RGS12: variants seen among roughly 807,000 people sequenced by gnomAD.
RGS12 encodes regulator of G protein signaling 12, also known as regulator of G-protein signaling 12.
Under a neutral mutation model 120.1 loss-of-function variants are expected in RGS12, and 66 were observed. The ratio of observed to expected loss-of-function variants is 0.55; its 90% CI spans 0.45 to 0.67. The LOEUF (loss-of-function observed/expected upper bound fraction) is 0.67, where lower values mean the gene tolerates loss of function less well. Ranked by LOEUF, RGS12 falls within the 30% of genes least tolerant of loss-of-function variation. The pLI, the probability that RGS12 is intolerant of heterozygous loss-of-function variation, is 0.00. For synonymous variants in RGS12, 827 were observed against 804.7 expected (o/e 1.03, Z -0.47); for missense variants, 1,859 against 1,957.7 (o/e 0.95, Z 0.95).
chr4:3,309,716 G>T (rs1301493646), intron 1 of RGS12, among the ~76,000 whole-genome samples: 38 of 133,910 alleles, frequency 2.8e-4, no homozygotes, highest in East Asian at 6.9e-4. Context: ...GCTGGGACCT[G>T]GGAATGGCAG....
At position 3,430,521 on chromosome 4, in the gene RGS12, C is replaced by G. The variant is rs368689404; in HGVS notation, c.3680C>G (p.Thr1227Arg). ...PEFLRLPPGS[T>R]ELTLPTPAAV... is the part of the protein sequence containing the mutation. ...TTCCTCCGTTTACCTCCTGGTTCCA[C>G]AGAACTCACCCTCCCCACTCCAGCT... The change falls in exon 17 of 18, where the codon ACA (threonine) becomes AGA (arginine). Residue 1227 changes from threonine to arginine, a missense_variant. Thr to Arg is a moderately conservative substitution (Grantham distance 71). Around this residue, in one of 3 missense-constraint regions of RGS12, gnomAD observed 517 missense variants for 488.5 expected, o/e 1.06. Coordinates refer to ENST00000336727, the MANE Select transcript of RGS12 (RefSeq NM_001394154.1). 19 of 1,613,450 alleles carry G rather than the reference C, an allele frequency of 1.2e-5. No individual in the cohort carries two copies. Among genetic ancestry groups the G allele is most frequent in the Non-Finnish European group, 1.4e-5 (17 of 1,180,038 alleles).
intron 2 of RGS12, among the ~76,000 whole-genome samples, chr4:3,328,417 A>G (rs1270878088): frequency 6.6e-6 from 1 of 152,216 alleles, no homozygotes; most frequent in East Asian, 1.9e-4. Flanking sequence ...CGTATCTAAG[A>G]AAACTAGAGA....
At chr4:3,292,718 A>T (rs1195179564), upstream of RGS12, among the ~76,000 whole-genome samples, 2 of 152,136 alleles carry the variant, frequency 1.3e-5, no homozygotes, top group Non-Finnish European at 2.9e-5. Context: ...CGCTCCCAGC[A>T]CCAGGGCCGG....
At chr4:3,307,992 G>A (rs1724064941) in intron 1 of RGS12, among the ~76,000 whole-genome samples, 1 of 152,254 alleles carries the variant, frequency 6.6e-6, no homozygotes, top group South Asian at 2.1e-4. Flanking sequence ...CTGGGCAGAG[G>A]AAGCGTGCAG....
chr4:3,347,240 C>G (rs1042175406), intron 3 of RGS12, among the ~76,000 whole-genome samples: 6 of 152,056 alleles, frequency 3.9e-5, no homozygotes, highest in Admixed American at 3.9e-4. Flanking sequence ...GTCAGGAGAT[C>G]GAGACCATCC....
At chr4:3,301,614 CCGGGG>C (rs1226153428) in intron 1 of RGS12, among the ~76,000 whole-genome samples, 1 of 129,070 alleles carries the variant, frequency 7.7e-6, no homozygotes, top group Non-Finnish European at 1.6e-5. Context: ...GAGAGTGAGG[CCGGGG>C]TCCGAGGGCC....
At chr4:3,342,287 ATT>A (rs1713312565) in intron 2 of RGS12, 1 of 607,146 alleles carries the variant, frequency 1.6e-6, no homozygotes, top group Non-Finnish European at 2.2e-6. Context: ...GTGGCGACTG[ATT>A]TGCTGGAGCC....
intron 3 of RGS12, among the ~76,000 whole-genome samples, chr4:3,379,574 A>G (rs891526648): frequency 6.6e-6 from 1 of 152,202 alleles, no homozygotes; most frequent in African/African-American, 2.4e-5. Flanking sequence ...GTAATTTTTA[A>G]AGGAAAGAGG....
At chr4:3,421,195 T>C (rs1722984904) in intron 10 of RGS12, among the ~76,000 whole-genome samples, 3 of 152,154 alleles carry the variant, frequency 2.0e-5, no homozygotes, top group Admixed American at 6.6e-5. Context: ...GCTTGGCTGG[T>C]GCTCGTCCTG....
At chr4:3,371,279 C>T (rs943560209) in intron 3 of RGS12, among the ~76,000 whole-genome samples, 33 of 152,170 alleles carry the variant, frequency 2.2e-4, no homozygotes, top group African/African-American at 7.7e-4. Flanking sequence ...GTGCCTGCCG[C>T]GGGCCGCCTC....
intron 17 of RGS12, 133 bp downstream of exon 17, chr4:3,431,088 G>T: frequency 6.9e-7 from 1 of 1,451,476 alleles, no homozygotes; most frequent in East Asian, 2.5e-5. Context: ...TCACCTGCTG[G>T]TTGGGGGCTT....
At chr4:3,414,457 G>A in intron 5 of RGS12, 2 of 610,864 alleles carry the variant, frequency 3.3e-6, no homozygotes, top group South Asian at 2.1e-5. Context: ...AGCGTCCCTG[G>A]CCCTCCCGCT....
At chr4:3,362,461 GGTGT>G (rs1243858242) in intron 3 of RGS12, among the ~76,000 whole-genome samples, 120 of 139,718 alleles carry the variant, frequency 8.6e-4, no homozygotes, top group African/African-American at 3.0e-3. Context: ...AGGGTGCGAG[GGTGT>G]GTGTGAGGGT....
rs369355059 is a variant in RGS12 at position 3,430,756 on chromosome 4, C to T, written c.3915C>T (p.Pro1305=). The T allele has an allele frequency of 2.1e-5, 33 of 1,608,694 alleles. No homozygotes were observed. The highest frequency in any genetic ancestry group is 1.6e-4 in the Middle Eastern group (1 of 6,062). ...PSGPFCTPQS[P]VSLAQEGTAQ... The stretch of plus-strand genomic sequence containing the variant: ...GGCCCTTCTGCACTCCCCAGTCCCC[C>T]GTCTCCCTCGCGCAGGAGGGCACCG... Residue 1305 remains proline (P), a synonymous_variant, in exon 17 of 18, where the codon CCC becomes CCT. Transcript: ENST00000336727.
At chr4:3,341,867 G>C (rs993846439) in intron 2 of RGS12, among the ~76,000 whole-genome samples, 2 of 148,208 alleles carry the variant, frequency 1.3e-5, no homozygotes, top group Non-Finnish European at 3.0e-5. Context: ...CAGAGGCCCC[G>C]GGGTGTGGGG....
chr4:3,379,878 A>G (rs1435928641), intron 3 of RGS12, among the ~76,000 whole-genome samples: 1 of 152,180 alleles, frequency 6.6e-6, no homozygotes, highest in Non-Finnish European at 1.5e-5. Context: ...GCGAAACTGC[A>G]TCGTTCCACC....
intron 3 of RGS12, among the ~76,000 whole-genome samples, chr4:3,348,579 A>G (rs1004695249): frequency 1.3e-5 from 2 of 152,200 alleles, no homozygotes; most frequent in African/African-American, 4.8e-5. Flanking sequence ...TGGCTTGAGC[A>G]GGGCAGTACA....
chr4:3,319,495 C>G (rs1015133523), intron 2 of RGS12, among the ~76,000 whole-genome samples: 1 of 152,136 alleles, frequency 6.6e-6, no homozygotes, highest in Non-Finnish European at 1.5e-5. Context: ...GTGGCTCTAT[C>G]ATAGCTCACT....
At chr4:3,286,650 G>A in the RGS12 span, among the ~76,000 whole-genome samples, 1 of 152,226 alleles carries the variant, frequency 6.6e-6, no homozygotes, top group Non-Finnish European at 1.5e-5. Flanking sequence ...GAGGGAGTGA[G>A]GAGGAATGAG....
Sources: allele counts gnomAD v4.1 joint callset (sites outside exome capture counted in the v4.1 genomes callset), GRCh38; gene constraint gnomAD v4.1.1; regional missense constraint gnomAD v4.1.1; transcripts MANE v1.5; gene names NCBI Gene and HGNC (gene_info 2026-07-23, HGNC 2026-07-21).